Variants in MYRIP observed in about 807,000 individuals in gnomAD.
MYRIP encodes myosin VIIA and Rab interacting protein.
Under a neutral mutation model 98.0 loss-of-function variants are expected in MYRIP, and 49 were observed. The ratio of observed to expected loss-of-function variants is 0.50; its 90% CI spans 0.40 to 0.63. The LOEUF is 0.63. MYRIP is among the 30% of genes least tolerant of loss of function. The pLI, the probability that MYRIP is intolerant of heterozygous loss-of-function variation, is 0.00. For missense variants in MYRIP, 1,004 were observed against 1,058.2 expected, an observed-to-expected ratio of 0.95 and a Z score of 0.71; for synonymous variants, 404 against 409.5, an observed-to-expected ratio of 0.99 and a Z score of 0.16.
chr3:39,991,969 C>T (rs1340246268), intron 2 of MYRIP, among the ~76,000 whole-genome samples: 1 of 152,132 alleles, frequency 6.6e-6, no homozygotes, highest in East Asian at 1.9e-4. Context: ...AAATAACCTT[C>T]CAAAATAAGC....
At chr3:40,113,428 A>C (rs938069292) in intron 3 of MYRIP, among the ~76,000 whole-genome samples, 4 of 152,172 alleles carry the variant, frequency 2.6e-5, no homozygotes, top group African/African-American at 7.2e-5. Context: ...TACAGGCATG[A>C]GCCACCATGC....
intron 3 of MYRIP, among the ~76,000 whole-genome samples, chr3:40,140,389 A>G (rs538847462): frequency 1.3e-5 from 2 of 152,330 alleles, no homozygotes; most frequent in Admixed American, 6.5e-5. Flanking sequence ...TTAATTCCAT[A>G]TCTTGGCTGC....
In MYRIP at chr3:39,859,839, T is replaced by G. The variant is rs113967710; in HGVS notation, c.-30-40948T>G. 7.2e-5 allele frequency among the ~76,000 whole-genome samples: 11 copies of G among 152,266 alleles called. 1 individual carries two copies. The highest frequency in any genetic ancestry group is 2.4e-4 in the African/African-American group (10 of 41,554). On this transcript the variant is annotated intron_variant, in intron 1 of 16. Coordinates refer to ENST00000302541, the MANE Select transcript of MYRIP (RefSeq NM_015460.4). ...TTCTGAGATTAGAAAACTCAACAAA[T>G]TGTTTATAGAAGAAAATGTACCCCA...
intron 2 of MYRIP, among the ~76,000 whole-genome samples, chr3:40,032,639 G>C (rs1225034577): frequency 6.6e-6 from 1 of 152,062 alleles, no homozygotes; most frequent in African/African-American, 2.4e-5. Flanking sequence ...TTCTACCAGA[G>C]GTACAAGGAG....
At chr3:40,250,549 T>A in intron 15 of MYRIP, 50 bp downstream of exon 15, 1 of 1,597,056 alleles carries the variant, frequency 6.3e-7, no homozygotes, top group Non-Finnish European at 8.6e-7. Context: ...GCCTGAATCA[T>A]TTACTTTGGG....
chr3:40,250,772 A>G (rs1270273522), intron 15 of MYRIP, among the ~76,000 whole-genome samples: 1 of 152,252 alleles, frequency 6.6e-6, no homozygotes, highest in Non-Finnish European at 1.5e-5. Context: ...TTGAATTAGG[A>G]GTTATTTCTT....
intron 2 of MYRIP, among the ~76,000 whole-genome samples, chr3:39,969,262 T>C (rs1945517539): frequency 6.6e-6 from 1 of 152,190 alleles, no homozygotes; most frequent in Non-Finnish European, 1.5e-5. Flanking sequence ...AATCATGTTG[T>C]CTGCAAACAT....
intron 3 of MYRIP, among the ~76,000 whole-genome samples, chr3:40,117,683 G>A (rs749850873): frequency 5.3e-5 from 8 of 152,198 alleles, no homozygotes; most frequent in Non-Finnish European, 8.8e-5. Flanking sequence ...CTTAGGATGC[G>A]ATGGACATAA....
At chr3:40,209,693 A>G (rs975605311) in intron 10 of MYRIP, among the ~76,000 whole-genome samples, 161 bp from the exon 11 acceptor site, 55 of 152,120 alleles carry the variant, frequency 3.6e-4, no homozygotes, top group African/African-American at 1.3e-3. Context: ...AGTAAAGGTA[A>G]AACTAAAAGT....
At chr3:39,935,271 G>C (rs1429619236) in intron 2 of MYRIP, among the ~76,000 whole-genome samples, 1 of 152,152 alleles carries the variant, frequency 6.6e-6, no homozygotes, top group African/African-American at 2.4e-5. Context: ...TGTTCAGGTG[G>C]GGAGGGTGAC....
intron 2 of MYRIP, among the ~76,000 whole-genome samples, chr3:39,943,564 A>G (rs532569648): frequency 1.3e-5 from 2 of 152,040 alleles, no homozygotes; most frequent in African/African-American, 2.4e-5. Context: ...TCTGTTTTCC[A>G]TAAGTTATCC....
rs567756597 is a variant in MYRIP at position 39,988,991 on chromosome 3, C to A, written c.111-55059C>A. On this transcript the variant is annotated intron_variant, in intron 2 of 16. Coordinates refer to ENST00000302541, the MANE Select transcript of MYRIP (RefSeq NM_015460.4). ...TTAGCTCAGCGGAGTTTGTTATTAC[C>A]CCCCTTCTGAAGCCTATTTCTGTCA... 5.9e-5 allele frequency among the ~76,000 whole-genome samples: 9 copies of A among 151,584 alleles called. 1 individual carries two copies. The South Asian group carries it at 1.7e-3, about 28-fold the overall frequency.
chr3:40,162,886 G>A (rs1052319097), intron 5 of MYRIP, 76 bp downstream of exon 5: 53 of 1,370,490 alleles, frequency 3.9e-5, no homozygotes, highest in Middle Eastern at 1.8e-4. Context: ...GTACTGCCAG[G>A]GTCCCCCAGA....
chr3:39,928,602 A>G (rs896480150), intron 2 of MYRIP, among the ~76,000 whole-genome samples: 1 of 151,760 alleles, frequency 6.6e-6, no homozygotes, highest in African/African-American at 2.4e-5. Context: ...CAACCAATGC[A>G]GAAAAAGCAT....
chr3:40,093,225 T>A (rs577936910), intron 3 of MYRIP, among the ~76,000 whole-genome samples: 1 of 152,324 alleles, frequency 6.6e-6, no homozygotes, highest in South Asian at 2.1e-4. Flanking sequence ...AGACAAGATA[T>A]CCACCTTATG....
intron 2 of MYRIP, among the ~76,000 whole-genome samples, chr3:40,042,330 C>G (rs991784561): frequency 2.2e-4 from 33 of 146,920 alleles, no homozygotes; most frequent in African/African-American, 6.7e-4. Context: ...CTTCAACCCA[C>G]TACAGGGGCT....
At chr3:40,052,790 AAGTT>A (rs1278116661) in intron 3 of MYRIP, among the ~76,000 whole-genome samples, 1 of 152,200 alleles carries the variant, frequency 6.6e-6, no homozygotes, top group Non-Finnish European at 1.5e-5. Flanking sequence ...TGGTAGAAGT[AAGTT>A]AGGACACATT....
intron 1 of MYRIP, among the ~76,000 whole-genome samples, chr3:39,882,956 T>C (rs920853461): frequency 2.0e-5 from 3 of 151,144 alleles, no homozygotes; most frequent in Non-Finnish European, 4.4e-5. Context: ...AAAAGCTGAA[T>C]AAAATATGAG....
intron 1 of MYRIP, among the ~76,000 whole-genome samples, chr3:39,876,887 C>G (rs1575332644): frequency 1.3e-5 from 2 of 152,216 alleles, no homozygotes; most frequent in East Asian, 3.9e-4. Context: ...GAATGTTGGC[C>G]TGCCTTGCTA....
Sources: allele counts gnomAD v4.1 joint callset (sites outside exome capture counted in the v4.1 genomes callset), GRCh38; gene constraint gnomAD v4.1.1; transcripts MANE v1.5; gene names NCBI Gene and HGNC (gene_info 2026-07-23, HGNC 2026-07-21).